Variants in RBM17 observed in about 807,000 individuals in gnomAD.
RBM17 encodes the protein splicing factor 45.
A neutral mutation model predicts 53.2 loss-of-function variants in RBM17; 7 were observed. The observed-to-expected ratio is 0.13, with a 90% CI of 0.07 to 0.25. The LOEUF (loss-of-function observed/expected upper bound fraction) is 0.25. Ranked by LOEUF, RBM17 falls within the 10% of genes least tolerant of loss-of-function variation. The probability of loss-of-function intolerance (pLI) is 1.00; values close to 1 mark genes in which losing one functional copy is unlikely to be tolerated. For synonymous variants in RBM17, 167 were observed against 178.1 expected, an observed-to-expected ratio of 0.94 and a Z score of 0.50; for missense variants, 257 against 496.7, an observed-to-expected ratio of 0.52 and a Z score of 4.59.
chr10:6,111,803 T>C (rs1840842327), intron 7 of RBM17, among the ~76,000 whole-genome samples: 1 of 152,222 alleles, frequency 6.6e-6, no homozygotes, highest in South Asian at 2.1e-4. Context: ...CTGTGCTATT[T>C]AGGAAAATGG....
rs192314186 is a variant in RBM17 at position 6,107,752 on chromosome 10, G to C, written c.506-934G>C. On this transcript the variant is annotated intron_variant, in intron 5 of 11. Coordinates refer to ENST00000379888, the MANE Select transcript of RBM17 (RefSeq NM_032905.5). ...CTGCCTCAGCCTCTCAAAGTGCTGG[G>C]ATTACAGGAGTGAACCACTGCGTCC... 3.9e-5 allele frequency among the ~76,000 whole-genome samples: 6 copies of C among 152,078 alleles called. No individual in the cohort carries two copies. In the South Asian group the frequency reaches 1.2e-3, roughly 32 times the overall value.
At chr10:6,111,490 C>A (rs1375308324) in intron 7 of RBM17, among the ~76,000 whole-genome samples, 1 of 152,214 alleles carries the variant, frequency 6.6e-6, no homozygotes, top group African/African-American at 2.4e-5. Flanking sequence ...CAGGTGCACA[C>A]CATCATGCCC....
rs1025072439 is a variant in RBM17, at chr10:6,096,366, G to T, written c.-18-682G>T. On this transcript the variant is annotated intron_variant, in intron 1 of 11. Coordinates refer to ENST00000379888, the MANE Select transcript of RBM17 (RefSeq NM_032905.5). ...GATGCTGCATTGCATGTCATGCTTT[G>T]CGCCTGCTGACTCGGTTTTTGTTTC... Among the ~76,000 whole-genome samples the T allele has an allele frequency of 5.3e-5, 8 of 152,112 alleles. No homozygotes were observed. The East Asian group carries it at 1.5e-3, about 29-fold the overall frequency.
Position 6,115,750 on chromosome 10 carries a change from A to T in RBM17, c.*194A>T, listed in dbSNP as rs951260594. 2.3e-6 allele frequency: 1 copy of T among 428,496 alleles called. No homozygotes were observed. The allele number at this position is 428,496 out of a possible 1,614,324, so 26.5% of individuals were successfully genotyped here. On this transcript the variant is annotated 3_prime_UTR_variant, in exon 12 of 12. Coordinates refer to ENST00000379888, the MANE Select transcript of RBM17 (RefSeq NM_032905.5). ...ATAGTATAAAAATCCTTTTAAAAAA[A>T]CAACAATCTGTGTGCCTCTCTGGTT...
chr10:6,095,621 T>A (rs889420730), intron 1 of RBM17, among the ~76,000 whole-genome samples: 1 of 152,092 alleles, frequency 6.6e-6, no homozygotes, highest in African/African-American at 2.4e-5. Flanking sequence ...CATTTAAAAA[T>A]CAAAATGGAG....
rs560489339 is a variant in RBM17 at position 6,103,269 on chromosome 10, C to G, written c.241-1662C>G. ...TGAGGGTGAATTTTACCCCATCCTC[C>G]CCCCTCAGCATTGAGGGTATTAACA... is the stretch of plus-strand genomic sequence containing the variant. On this transcript the variant is annotated intron_variant, in intron 3 of 11. Transcript: ENST00000379888. 3.9e-5 allele frequency among the ~76,000 whole-genome samples: 6 copies of G among 152,242 alleles called. No homozygotes were observed. In the South Asian group the frequency reaches 1.2e-3, roughly 32 times the overall value.
rs200041022 is a variant in RBM17, at chr10:6,095,395, T to G, written c.-18-1653T>G. ...GCCCAGCTAATTTTTGTATTTTTAA[T>G]AGAGACAGGTTTTCACCGTGTTGGC... On this transcript the variant is annotated intron_variant, in intron 1 of 11. Coordinates refer to ENST00000379888, the MANE Select transcript of RBM17 (RefSeq NM_032905.5). Among the ~76,000 whole-genome samples the G allele has an allele frequency of 2.2e-4, 33 of 152,246 alleles. No individual in the cohort carries two copies. The East Asian group carries it at 6.2e-3, about 28-fold the overall frequency.
At chr10:6,103,078 C>A (rs1840693138) in intron 3 of RBM17, among the ~76,000 whole-genome samples, 1 of 152,196 alleles carries the variant, frequency 6.6e-6, no homozygotes, top group Non-Finnish European at 1.5e-5. Flanking sequence ...AGGCATGAGC[C>A]ACTGCACCCG....
intron 4 of RBM17, among the ~76,000 whole-genome samples, chr10:6,105,696 A>G (rs941250538): frequency 1.6e-4 from 24 of 152,244 alleles, no homozygotes; most frequent in Non-Finnish European, 2.9e-5. Context: ...TTTGCAAAGT[A>G]CGAGTAGTAG....
intron 1 of RBM17, among the ~76,000 whole-genome samples, chr10:6,092,888 C>G (rs1840508505): frequency 6.6e-6 from 1 of 152,220 alleles, no homozygotes; most frequent in South Asian, 2.1e-4. Flanking sequence ...ATGAGATTTG[C>G]TGCCTGATGA....
chr10:6,107,837 A>G (rs963543335), intron 5 of RBM17, among the ~76,000 whole-genome samples: 1 of 152,078 alleles, frequency 6.6e-6, no homozygotes, highest in Non-Finnish European at 1.5e-5. Flanking sequence ...TTTGTAATCA[A>G]TTTTTAAAGT....
chr10:6,104,117 C>T (rs931510993), intron 3 of RBM17, among the ~76,000 whole-genome samples: 1 of 152,198 alleles, frequency 6.6e-6, no homozygotes, highest in African/African-American at 2.4e-5. Flanking sequence ...AAAGTGGGGT[C>T]AGGGCTTCCA....
rs1425513913 is a variant in RBM17 at position 6,089,062 on chromosome 10, G to C, written c.-150G>C. The stretch of plus-strand genomic sequence containing the variant: ...CCGCGCTCCCTGACCCCGCGCCGCC[G>C]AGCGCCCTGAGGACTCAGCGAAGGG... On this transcript the variant is annotated 5_prime_UTR_variant, in exon 1 of 12. Coordinates refer to ENST00000379888, the MANE Select transcript of RBM17 (RefSeq NM_032905.5). The surrounding 1 kb of genome is among the most constrained non-coding windows in gnomAD (Gnocchi z 5.6). 1.3e-5 allele frequency: 2 copies of C among 150,702 alleles called. No individual in the cohort carries two copies. Among genetic ancestry groups the C allele is most frequent in the East Asian group, 1.9e-4 (1 of 5,168 alleles). 9.3% of individuals were successfully genotyped at this position (150,702 alleles called of 1,614,324 possible).
chr10:6,101,600 G>C (rs973369331), intron 3 of RBM17, among the ~76,000 whole-genome samples: 1 of 152,174 alleles, frequency 6.6e-6, no homozygotes, highest in Non-Finnish European at 1.5e-5. Flanking sequence ...AGAAACTAGA[G>C]ATACGCAGAA....
At chr10:6,102,223 G>A (rs568042389) in intron 3 of RBM17, among the ~76,000 whole-genome samples, 1 of 152,202 alleles carries the variant, frequency 6.6e-6, no homozygotes, top group Non-Finnish European at 1.5e-5. Context: ...TAATAATAGT[G>A]CTATCGAGAC....
At chr10:6,097,025 T>A (rs1227035448) in intron 1 of RBM17, 23 bp from the exon 2 acceptor site, 6 of 1,599,568 alleles carry the variant, frequency 3.8e-6, no homozygotes, top group Non-Finnish European at 5.1e-6. Flanking sequence ...CATTCTTTAA[T>A]CCCCACCCCT....
chr10:6,098,895 C>G (rs1337433143), intron 2 of RBM17, among the ~76,000 whole-genome samples: 1 of 150,992 alleles, frequency 6.6e-6, no homozygotes, highest in Non-Finnish European at 1.5e-5. Context: ...TTTCTTTTCC[C>G]TTTACCACAT....
intron 3 of RBM17, among the ~76,000 whole-genome samples, chr10:6,102,416 C>T (rs1349202935): frequency 1.3e-5 from 2 of 152,100 alleles, no homozygotes; most frequent in African/African-American, 4.8e-5. Context: ...TTGAGTTGTC[C>T]TTTTCTGAGG....
In RBM17 at chr10:6,116,253, T is replaced by C. The variant is rs1361498082; in HGVS notation, c.*697T>C. The C allele has an allele frequency of 6.6e-6, 1 of 152,310 alleles. No homozygotes were observed. The highest frequency in any genetic ancestry group is 2.4e-5 in the African/African-American group (1 of 41,452). The allele number at this position is 152,310 out of a possible 1,614,324, so 9.4% of individuals were successfully genotyped here. ...TTTGTTTTCAGAGATTCAAGCATAG[T>C]CTTAAGGGTAGATCAGAAATGACAA... On this transcript the variant is annotated 3_prime_UTR_variant, in exon 12 of 12. Transcript: ENST00000379888.
Sources: gnomAD v4.1 joint callset for allele counts (sites outside exome capture counted in the v4.1 genomes callset) on GRCh38, gnomAD v4.1.1 for gene constraint, Gnocchi (gnomAD v3.1) non-coding constraint, MANE v1.5 for transcripts, NCBI Gene and HGNC (gene_info 2026-07-23, HGNC 2026-07-21) for gene names.